The following THADA variants were observed in gnomAD, a reference collection of about 807,000 sequenced individuals.
THADA encodes THADA armadillo repeat containing.
Under a neutral mutation model 219.8 loss-of-function variants are expected in THADA, and 213 were observed. The observed-to-expected ratio is 0.97, with a 90% CI of 0.87 to 1.09. THADA has a LOEUF of 1.09. Among genes scored for constraint, THADA ranks in the 50% least tolerant of loss-of-function variants. The pLI is 0.00. For synonymous variants in THADA, 1,018 were observed against 828.9 expected, an observed-to-expected ratio of 1.23 and a Z score of -3.92; for missense variants, 2,956 against 2,311.3, an observed-to-expected ratio of 1.28 and a Z score of -5.72.
At position 43,471,507 on chromosome 2, in the gene THADA, G is replaced by C. The variant is rs550952920; in HGVS notation, c.3836+13727C>G. ...GATTGTGCTACTGCACTCCAGCCTA[G>C]GTGACAAAACAAGACTCTGTCCCAA... On this transcript the variant is annotated intron_variant, in intron 26 of 37. Coordinates refer to ENST00000405975, the MANE Select transcript of THADA (RefSeq NM_022065.5). 3.9e-5 allele frequency among the ~76,000 whole-genome samples: 6 copies of C among 152,202 alleles called. No homozygotes were observed. The South Asian group carries it at 1.2e-3, about 32-fold the overall frequency.
intron 26 of THADA, among the ~76,000 whole-genome samples, chr2:43,481,948 G>A (rs137889709): frequency 1.4e-3 from 207 of 152,220 alleles, no homozygotes; most frequent in African/African-American, 4.9e-3. Flanking sequence ...TACACACAGG[G>A]GCTAAAAGGA....
At chr2:43,497,775 C>T (rs918487629) in intron 25 of THADA, among the ~76,000 whole-genome samples, 1 of 152,090 alleles carries the variant, frequency 6.6e-6, no homozygotes, top group African/African-American at 2.4e-5. Flanking sequence ...GTCCCAGCTA[C>T]TCGGGAGGCT....
At chr2:43,280,037 A>G in intron 35 of THADA, 141 bp from the exon 36 acceptor site, 1 of 892,110 alleles carries the variant, frequency 1.1e-6, no homozygotes, top group Non-Finnish European at 1.6e-6. Context: ...GTTAAGATAG[A>G]AAGAGTGTTA....
rs371077928 is a variant in THADA, at chr2:43,272,773, C to T, written c.5296+6992G>A. 3.8e-4 allele frequency among the ~76,000 whole-genome samples: 58 copies of T among 151,830 alleles called. No individual in the cohort carries two copies. In the East Asian group the frequency reaches 6.6e-3, roughly 17 times the overall value. On this transcript the variant is annotated intron_variant, in intron 36 of 37. Coordinates refer to ENST00000405975, the MANE Select transcript of THADA (RefSeq NM_022065.5). ...TTCAGTAGCTGGAACCACAGGCATG[C>T]ACCACTACACTTGGCTAATTTTTAA...
chr2:43,372,981 AC>A (rs1335111382), intron 29 of THADA, among the ~76,000 whole-genome samples: 1 of 152,038 alleles, frequency 6.6e-6, no homozygotes, highest in African/African-American at 2.4e-5. Flanking sequence ...ATGAGCCACC[AC>A]GCCCAGCCAA....
intron 17 of THADA, among the ~76,000 whole-genome samples, chr2:43,554,620 T>C (rs941408489): frequency 1.3e-5 from 2 of 152,298 alleles, no homozygotes; most frequent in African/African-American, 4.8e-5. Flanking sequence ...TATCGTTTTA[T>C]ATTATATAAA....
intron 1 of THADA, among the ~76,000 whole-genome samples, chr2:43,594,692 C>A (rs779021250): frequency 1.3e-5 from 2 of 152,180 alleles, no homozygotes; most frequent in Non-Finnish European, 2.9e-5. Flanking sequence ...AACCAATCTC[C>A]TCTTCACCAT....
chr2:43,231,919 G>A (rs1667470321), intron 37 of THADA, among the ~76,000 whole-genome samples: 2 of 152,066 alleles, frequency 1.3e-5, no homozygotes, highest in African/African-American at 2.4e-5. Flanking sequence ...AGATGCTGGT[G>A]GCGATCAATT....
chr2:43,400,639 G>A (rs1053220083), intron 28 of THADA, among the ~76,000 whole-genome samples: 76 of 151,770 alleles, frequency 5.0e-4, no homozygotes, highest in African/African-American at 1.8e-3. Flanking sequence ...TCTGTGACTT[G>A]GACAAGTCAC....
chr2:43,542,442 T>C (rs1695448065), intron 20 of THADA, among the ~76,000 whole-genome samples: 1 of 152,154 alleles, frequency 6.6e-6, no homozygotes, highest in South Asian at 2.1e-4. Flanking sequence ...AGTGTGGAGA[T>C]AATTTTTTGC....
rs576859185 is a variant in THADA at position 43,548,451 on chromosome 2, T to C, written c.3106+759A>G. Among the ~76,000 whole-genome samples, 682 of 152,320 alleles carry C rather than the reference T, an allele frequency of 4.5e-3. 7 individuals are homozygous for C. The highest frequency in any genetic ancestry group is 0.016 in the African/African-American group (651 of 41,574). On this transcript the variant is annotated intron_variant, in intron 20 of 37. Transcript: ENST00000405975. ...GAGGTTACTGCTGTCTTTTTGTTTGTTTGTGCCCTGCCCCCAGAGGTGGAG... is the reference window on the plus strand; with the variant it reads ...GAGGTTACTGCTGTCTTTTTGTTTGCTTGTGCCCTGCCCCCAGAGGTGGAG...
chr2:43,465,355 C>T (rs146866674), intron 26 of THADA, among the ~76,000 whole-genome samples: 56 of 152,260 alleles, frequency 3.7e-4, no homozygotes, highest in African/African-American at 1.3e-3. Context: ...CAAAACTTAA[C>T]GATGCAAGAT....
chr2:43,553,298 C>T (rs190254946), intron 17 of THADA, among the ~76,000 whole-genome samples: 1 of 152,182 alleles, frequency 6.6e-6, no homozygotes, highest in South Asian at 2.1e-4. Context: ...CTTCCTCCCC[C>T]ACCCCAATAT....
chr2:43,567,764 T>C (rs1403321536), intron 14 of THADA, among the ~76,000 whole-genome samples: 1 of 152,274 alleles, frequency 6.6e-6, no homozygotes, highest in Non-Finnish European at 1.5e-5. Context: ...GTTGGATCCC[T>C]AGTGCTGAGC....
At chr2:43,494,606 G>C (rs139204682) in intron 25 of THADA, among the ~76,000 whole-genome samples, 122 of 152,238 alleles carry the variant, frequency 8.0e-4, no homozygotes, top group Non-Finnish European at 1.3e-3. Context: ...GATTATAACA[G>C]AACATACCTG....
chr2:43,322,844 C>T lies in THADA; in HGVS notation c.4344-2304G>A, dbSNP rs554048324. Among the ~76,000 whole-genome samples the T allele has an allele frequency of 5.9e-5, 9 of 151,798 alleles. No individual in the cohort carries two copies. The East Asian group carries it at 1.8e-3, about 30-fold the overall frequency. On this transcript the variant is annotated intron_variant, in intron 30 of 37. Transcript: ENST00000405975. ...GGGACTACAGGCGCCCGCCGCCACGCCCGGCTAATTTTTTGTATGTTTTAT... is the reference window on the plus strand; with the variant it reads ...GGGACTACAGGCGCCCGCCGCCACGTCCGGCTAATTTTTTGTATGTTTTAT...
rs1558528776 is a variant in THADA at position 43,291,907 on chromosome 2, G to A, written c.4938-139C>T. ...ACCTCCTGGTTACAAAAATGCCTCCGGAAGCAATTACCTTTTGGTTATTAA... is the reference window on the plus strand; with the variant it reads ...ACCTCCTGGTTACAAAAATGCCTCCAGAAGCAATTACCTTTTGGTTATTAA... On this transcript the variant is annotated intron_variant, in intron 33 of 37. Coordinates refer to ENST00000405975, the MANE Select transcript of THADA (RefSeq NM_022065.5). 1.6e-5 allele frequency: 13 copies of A among 817,812 alleles called. 1 individual carries two copies. In the South Asian group the frequency reaches 1.8e-4, roughly 11 times the overall value. 50.7% of individuals were successfully genotyped at this position (817,812 alleles called of 1,614,324 possible).
At chr2:43,325,107 A>C (rs1367597723) in intron 30 of THADA, among the ~76,000 whole-genome samples, 1 of 152,146 alleles carries the variant, frequency 6.6e-6, no homozygotes, top group East Asian at 1.9e-4. Flanking sequence ...TTGCCTTGGG[A>C]AATCTCTGAA....
chr2:43,561,484 A>T (rs1698057408), intron 15 of THADA, among the ~76,000 whole-genome samples: 1 of 152,232 alleles, frequency 6.6e-6, no homozygotes, highest in Admixed American at 6.5e-5. Context: ...AGAACTGTGG[A>T]AAAACAGGTT....
Sources: gnomAD v4.1 joint callset for allele counts (sites outside exome capture counted in the v4.1 genomes callset) on GRCh38, gnomAD v4.1.1 for gene constraint, MANE v1.5 for transcripts, NCBI Gene and HGNC (gene_info 2026-07-23, HGNC 2026-07-21) for gene names.